Variants in PRKCB observed in about 807,000 individuals in gnomAD.
PRKCB encodes the protein protein kinase C beta type.
PRKCB carries 13 observed loss-of-function variants against 81.5 expected under a neutral mutation model. The observed-to-expected ratio is 0.16, with a 90% CI of 0.10 to 0.25. The LOEUF (loss-of-function observed/expected upper bound fraction) is 0.25. Ranked by LOEUF, PRKCB falls within the 10% of genes least tolerant of loss-of-function variation. The probability of loss-of-function intolerance (pLI) is 1.00; values close to 1 mark genes in which losing one functional copy is unlikely to be tolerated. For synonymous variants in PRKCB, 335 were observed against 321.4 expected (o/e 1.04, Z -0.45); for missense variants, 509 against 875.7 (o/e 0.58, Z 5.29).
intron 8 of PRKCB, among the ~76,000 whole-genome samples, chr16:24,122,959 C>T (rs763612555): frequency 6.6e-6 from 1 of 152,178 alleles, no homozygotes; most frequent in African/African-American, 2.4e-5. Flanking sequence ...GTGGCCCTCA[C>T]TCATCCATTT....
intron 5 of PRKCB, among the ~76,000 whole-genome samples, chr16:24,086,790 A>G (rs1232867871): frequency 1.3e-5 from 2 of 152,172 alleles, no homozygotes; most frequent in Non-Finnish European, 2.9e-5. Context: ...ATTTTAAATC[A>G]ATTTTGGGTA....
chr16:23,875,434 A>G (rs1014745071), intron 2 of PRKCB, among the ~76,000 whole-genome samples: 1 of 150,770 alleles, frequency 6.6e-6, no homozygotes, highest in African/African-American at 2.4e-5. Context: ...GCGGGTGTCC[A>G]AGGATTGAAT....
chr16:24,126,113 T>C (rs1966843833), intron 9 of PRKCB, among the ~76,000 whole-genome samples: 1 of 152,204 alleles, frequency 6.6e-6, no homozygotes. Flanking sequence ...CTGTACCAAG[T>C]GCTCAAGAAA....
At chr16:23,949,095 C>T (rs1241430730) in intron 2 of PRKCB, among the ~76,000 whole-genome samples, 1 of 152,234 alleles carries the variant, frequency 6.6e-6, no homozygotes, top group Non-Finnish European at 1.5e-5. Flanking sequence ...AGAGGTTGCA[C>T]TGTGTGAGAC....
At chr16:24,021,117 C>CTTTCTTTCTTTCTTTCTTTT (rs1965379155) in intron 3 of PRKCB, among the ~76,000 whole-genome samples, 1 of 128,206 alleles carries the variant, frequency 7.8e-6, no homozygotes. Context: ...CCTTCTCTCT[C>CTTTCTTTCTTTCTTTCTTTT]TTTCTTTCTT....
intron 13 of PRKCB, among the ~76,000 whole-genome samples, chr16:24,183,565 T>C (rs1409428044): frequency 6.6e-6 from 1 of 152,252 alleles, no homozygotes; most frequent in Non-Finnish European, 1.5e-5. Context: ...CCAAGTTTGC[T>C]CAAATACCCT....
chr16:23,981,508 C>T (rs959074067), intron 2 of PRKCB, among the ~76,000 whole-genome samples: 2 of 148,412 alleles, frequency 1.3e-5, no homozygotes, highest in African/African-American at 2.4e-5. Context: ...GTCAGGGGGT[C>T]GGGGGTAGGG....
intron 2 of PRKCB, among the ~76,000 whole-genome samples, chr16:23,943,203 C>A (rs990442693): frequency 2.2e-4 from 33 of 152,130 alleles, no homozygotes; most frequent in Admixed American, 2.1e-3. Flanking sequence ...GAAAAATGAT[C>A]ATCTACCTTA....
At chr16:24,147,262 C>T (rs373434817) in intron 9 of PRKCB, among the ~76,000 whole-genome samples, 3 of 150,390 alleles carry the variant, frequency 2.0e-5, no homozygotes, top group Admixed American at 1.3e-4. Context: ...GAGCCGAGAT[C>T]GCACCACTGC....
At chr16:23,981,323 G>C (rs1964699351) in intron 2 of PRKCB, among the ~76,000 whole-genome samples, 1 of 151,780 alleles carries the variant, frequency 6.6e-6, no homozygotes, top group African/African-American at 2.4e-5. Context: ...CTGACTCCGA[G>C]TCTCTTCCCT....
intron 9 of PRKCB, among the ~76,000 whole-genome samples, chr16:24,129,625 A>G (rs1202664525): frequency 6.6e-6 from 1 of 151,950 alleles, no homozygotes; most frequent in Non-Finnish European, 1.5e-5. Flanking sequence ...TCTATCATCT[A>G]TCATCTATAT....
chr16:24,136,777 T>C (rs927934357), intron 9 of PRKCB, among the ~76,000 whole-genome samples: 2 of 152,174 alleles, frequency 1.3e-5, no homozygotes, highest in Non-Finnish European at 2.9e-5. Flanking sequence ...TGGGCAGTTT[T>C]CCTATGAGAA....
chr16:23,934,247 G>GA (rs1156497500), intron 2 of PRKCB, among the ~76,000 whole-genome samples: 1 of 151,940 alleles, frequency 6.6e-6, no homozygotes, highest in Admixed American at 6.6e-5. Context: ...CTCTCTCTAG[G>GA]GACACTTTGC....
chr16:24,210,105 A>G (rs1489739441), intron 16 of PRKCB, among the ~76,000 whole-genome samples: 2 of 152,198 alleles, frequency 1.3e-5, no homozygotes, highest in Non-Finnish European at 2.9e-5. Context: ...ACAGAGCAAG[A>G]CCATGTCTCT....
In PRKCB at chr16:24,063,435, C is replaced by T. The variant is rs35863952; in HGVS notation, c.529+27888C>T. 3.8e-3 allele frequency among the ~76,000 whole-genome samples: 580 copies of T among 152,096 alleles called. 2 individuals carry two copies. The highest frequency in any genetic ancestry group is 5.9e-3 in the Non-Finnish European group (400 of 67,996). Reference sequence around the variant, plus strand: ...TCAGCCTCTCAAGTAGCTGGGATTACAGGCGTGTGCCACCATGTCTGCCTA... The same window carrying T: ...TCAGCCTCTCAAGTAGCTGGGATTATAGGCGTGTGCCACCATGTCTGCCTA... On this transcript the variant is annotated intron_variant, in intron 5 of 16. Transcript: ENST00000643927.
intron 2 of PRKCB, among the ~76,000 whole-genome samples, chr16:23,850,052 C>T (rs759874190): frequency 6.6e-6 from 1 of 152,140 alleles, no homozygotes; most frequent in Non-Finnish European, 1.5e-5. Flanking sequence ...TCCACATATA[C>T]GTGAGATCAT....
chr16:23,889,765 G>A (rs1458109341), intron 2 of PRKCB, among the ~76,000 whole-genome samples: 1 of 152,240 alleles, frequency 6.6e-6, no homozygotes. Flanking sequence ...TGAGGCTGTA[G>A]TATGTGAGAA....
Position 24,191,177 on chromosome 16 carries a change from G to C in PRKCB, c.1810G>C (p.Asp604His). The C allele has an allele frequency of 6.2e-7, 1 of 1,614,112 alleles. No individual in the cohort carries two copies. The highest frequency in any genetic ancestry group is 8.5e-7 in the Non-Finnish European group (1 of 1,180,014). ...AGAGCATGCATTTTTCCGGTATATT[G>C]ATTGGGAGAAACTTGAACGCAAAGA... ...IKEHAFFRYI[D>H]WEKLERKEIQ... Residue 604 changes from aspartate (D) to histidine (H), a missense_variant, in exon 16 of 17, where the codon GAT (aspartate) becomes CAT (histidine). Physicochemically the swap from Asp to His is moderately conservative, Grantham distance 81. This residue lies in a region of PRKCB where 104 missense variants were observed against 160.5 expected (regional missense o/e 0.65). Transcript: ENST00000643927.
At chr16:23,980,798 A>AATATATATATATATATATATAT (rs143162594) in intron 2 of PRKCB, among the ~76,000 whole-genome samples, 1 of 148,700 alleles carries the variant, frequency 6.7e-6, no homozygotes, top group African/African-American at 2.5e-5. Flanking sequence ...CTCCAAACAG[A>AATATATATATATATATATATAT]ATATATATAT....
Sources: gnomAD v4.1 joint callset for allele counts (sites outside exome capture counted in the v4.1 genomes callset) on GRCh38, gnomAD v4.1.1 for gene constraint, gnomAD v4.1.1 regional missense constraint, MANE v1.5 for transcripts, NCBI Gene and HGNC (gene_info 2026-07-23, HGNC 2026-07-21) for gene names.